Variants in RBFOX3 observed in about 807,000 individuals in gnomAD.
RBFOX3 encodes RNA binding fox-1 homolog 3, also known as RNA binding protein fox-1 homolog 3.
Under a neutral mutation model 48.7 loss-of-function variants are expected in RBFOX3, and 17 were observed. The ratio of observed to expected loss-of-function variants is 0.35; its 90% CI spans 0.24 to 0.52. RBFOX3 has a LOEUF of 0.52. Among genes scored for constraint, RBFOX3 ranks in the 20% least tolerant of loss-of-function variants. The pLI, the probability that RBFOX3 is intolerant of heterozygous loss-of-function variation, is 0.94. For missense variants in RBFOX3, 382 were observed against 497.5 expected, an observed-to-expected ratio of 0.77 and a Z score of 2.21; for synonymous variants, 212 against 209.5, an observed-to-expected ratio of 1.01 and a Z score of -0.10.
In RBFOX3 at chr17:79,131,405, C is replaced by T. The variant is rs117038912; in HGVS notation, c.-33-15657G>A. On this transcript the variant is annotated intron_variant, in intron 4 of 14. Coordinates refer to ENST00000693108, the MANE Select transcript of RBFOX3 (RefSeq NM_001350451.2). ...CTACCTTCACCGTCTTCCAGCTGAA[C>T]GTTGGTAGCACCTCCACCCACAGAC... Among the ~76,000 whole-genome samples the T allele has an allele frequency of 1.1e-3, 174 of 152,358 alleles. 4 individuals carry two copies. The East Asian group carries it at 0.029, about 25-fold the overall frequency.
rs1599392964 is a variant in RBFOX3 at position 79,096,914 on chromosome 17, G to A, written c.756-81C>T. On this transcript the variant is annotated intron_variant, in intron 11 of 14. Transcript: ENST00000693108. Reference sequence around the variant, plus strand: ...AAACCCCGGGGCCCATAGCCCACCCGACCCCAGGCAGCTGTGCCCCCCACC... The same window carrying A: ...AAACCCCGGGGCCCATAGCCCACCCAACCCCAGGCAGCTGTGCCCCCCACC... 6.6e-6 allele frequency: 4 copies of A among 609,844 alleles called. No homozygotes were observed. In the East Asian group the frequency reaches 8.4e-5, roughly 13 times the overall value. 37.8% of individuals were successfully genotyped at this position (609,844 alleles called of 1,614,324 possible). A position where few individuals can be genotyped will look rare whatever the true frequency, so the allele number is the denominator to read the frequency against.
intron 4 of RBFOX3, among the ~76,000 whole-genome samples, chr17:79,207,670 C>A (rs2057698900): frequency 6.6e-6 from 1 of 152,212 alleles, no homozygotes; most frequent in Non-Finnish European, 1.5e-5. Flanking sequence ...GGCCTAAGCT[C>A]CCTTCCCTTT....
chr17:79,115,683 G>C lies in RBFOX3; in HGVS notation c.33C>G (p.Pro11=), dbSNP rs530721444. ...CAGGGATGCCGTTCTGTGGCGGAGG[G>C]GGGTACTGGGCGGGGGGGTAGGGCT... MAQPYPPAQY[P]PPPQNGIPAE... The change falls in exon 5 of 15, where the codon CCC becomes CCG. Residue 11 remains proline, a synonymous_variant. Coordinates refer to ENST00000693108, the MANE Select transcript of RBFOX3 (RefSeq NM_001350451.2). The C allele has an allele frequency of 2.0e-5, 20 of 984,818 alleles. No individual in the cohort carries two copies. The highest frequency in any genetic ancestry group is 2.8e-5 in the Non-Finnish European group (19 of 681,766). The allele number at this position is 984,818 out of a possible 1,614,324, so 61.0% of individuals were successfully genotyped here.
rs191794190 is a variant in RBFOX3, at chr17:79,362,673, G to A, written c.-174-54849C>T. Among the ~76,000 whole-genome samples, 6 of 148,522 alleles carry A rather than the reference G, an allele frequency of 4.0e-5. No homozygotes were observed. Among genetic ancestry groups the A allele is most frequent in the African/African-American group, 9.6e-5 (4 of 41,472 alleles). ...CTGCCGGGCAATTGCTTCCTGTGACGGAGCCAGTTACTGGCACCTCATCTC... is the reference window on the plus strand; with the variant it reads ...CTGCCGGGCAATTGCTTCCTGTGACAGAGCCAGTTACTGGCACCTCATCTC... On this transcript the variant is annotated intron_variant, in intron 2 of 14. Coordinates refer to ENST00000693108, the MANE Select transcript of RBFOX3 (RefSeq NM_001350451.2). The surrounding 1 kb of genome is among the most constrained non-coding windows in gnomAD (Gnocchi z 4.2).
intron 2 of RBFOX3, among the ~76,000 whole-genome samples, chr17:79,320,193 C>G (rs995462547): frequency 2.0e-5 from 3 of 152,192 alleles, no homozygotes; most frequent in African/African-American, 7.2e-5. Context: ...GACTTGCTTC[C>G]TGACCACTGC....
chr17:79,661,439 G>C, the RBFOX3 span, among the ~76,000 whole-genome samples: 5 of 152,236 alleles, frequency 3.3e-5, no homozygotes, highest in Non-Finnish European at 7.3e-5. Context: ...AGTGTTCATA[G>C]AGTGTAGTTC....
intron 5 of RBFOX3, among the ~76,000 whole-genome samples, chr17:79,108,078 C>G (rs1435000772): frequency 6.6e-6 from 1 of 152,192 alleles, no homozygotes; most frequent in Non-Finnish European, 1.5e-5. Flanking sequence ...CCAAATACAC[C>G]CTGTGCATTT....
chr17:79,126,458 G>A (rs1031320841), intron 4 of RBFOX3, among the ~76,000 whole-genome samples: 2 of 151,588 alleles, frequency 1.3e-5, no homozygotes, highest in African/African-American at 4.9e-5. Context: ...GGTGACCCGG[G>A]GGCTGACCTC....
intron 3 of RBFOX3, among the ~76,000 whole-genome samples, chr17:79,255,018 C>T (rs987962701): frequency 6.6e-6 from 1 of 152,116 alleles, no homozygotes; most frequent in Non-Finnish European, 1.5e-5. Context: ...GGCAGCTTGT[C>T]CTTGGGACCT....
intron 2 of RBFOX3, among the ~76,000 whole-genome samples, chr17:79,454,780 T>C (rs2074187659): frequency 1.3e-5 from 2 of 152,146 alleles, no homozygotes; most frequent in Admixed American, 1.3e-4. Flanking sequence ...CTATCCACAC[T>C]GACTGGAGCG....
At chr17:79,296,441 C>A (rs185873660) in intron 3 of RBFOX3, among the ~76,000 whole-genome samples, 1 of 152,172 alleles carries the variant, frequency 6.6e-6, no homozygotes, top group Non-Finnish European at 1.5e-5. Flanking sequence ...GACTTTGTTA[C>A]ACCTGCATAT....
chr17:79,274,401 G>GCCCA (rs2068326954), intron 3 of RBFOX3, among the ~76,000 whole-genome samples: 1 of 152,220 alleles, frequency 6.6e-6, no homozygotes, highest in East Asian at 1.9e-4. Context: ...TCGGCAAAGG[G>GCCCA]CCCAGCACAT....
intron 2 of RBFOX3, among the ~76,000 whole-genome samples, chr17:79,407,039 C>T (rs372273230): frequency 6.6e-6 from 1 of 152,220 alleles, no homozygotes; most frequent in Admixed American, 6.5e-5. Flanking sequence ...GATGAAGTTT[C>T]GCTCTTGTCG....
chr17:79,092,059 C>T lies in RBFOX3; in HGVS notation c.1078-1174G>A, dbSNP rs980460112. On this transcript the variant is annotated intron_variant, in intron 14 of 14. Transcript: ENST00000693108. ...AAGGCCTGCGGGAGCACCCTCAGGC[C>T]GGGGAGACCCACACTGGGTGCCTGG... 5.1e-5 allele frequency: 50 copies of T among 985,378 alleles called. No individual in the cohort carries two copies. The Admixed American group carries it at 7.4e-4, about 15-fold the overall frequency. 61.0% of individuals were successfully genotyped at this position (985,378 alleles called of 1,614,324 possible).
intron 2 of RBFOX3, among the ~76,000 whole-genome samples, chr17:79,315,629 A>C (rs2077436116): frequency 6.6e-6 from 1 of 152,216 alleles, no homozygotes; most frequent in Non-Finnish European, 1.5e-5. Flanking sequence ...AAGCTCATAA[A>C]AGCCACGTGA....
At chr17:79,525,204 G>A (rs1395109583) in intron 1 of RBFOX3, among the ~76,000 whole-genome samples, 1 of 152,110 alleles carries the variant, frequency 6.6e-6, no homozygotes, top group Non-Finnish European at 1.5e-5. Context: ...GCGTCTCTGG[G>A]CCCCTCCCAC....
intron 4 of RBFOX3, among the ~76,000 whole-genome samples, chr17:79,137,634 C>T (rs576902104): frequency 2.6e-4 from 39 of 151,748 alleles, no homozygotes; most frequent in Non-Finnish European, 5.0e-4. Context: ...GCTGCTGGCG[C>T]CTGGCCTGGC....
At chr17:79,141,318 C>A (rs193114415) in intron 4 of RBFOX3, among the ~76,000 whole-genome samples, 20 of 152,268 alleles carry the variant, frequency 1.3e-4, no homozygotes, top group Admixed American at 1.2e-3. Context: ...CTGTTGGGGG[C>A]CAGCCAGGAG....
chr17:79,563,244 A>G (rs1423078669), intron 1 of RBFOX3, among the ~76,000 whole-genome samples: 3 of 152,064 alleles, frequency 2.0e-5, no homozygotes, highest in African/African-American at 7.2e-5. Context: ...CAAAAAAACA[A>G]GAATCTCTAA....
Sources: gnomAD v4.1 joint callset for allele counts (sites outside exome capture counted in the v4.1 genomes callset) on GRCh38, gnomAD v4.1.1 for gene constraint, Gnocchi (gnomAD v3.1) non-coding constraint, MANE v1.5 for transcripts, NCBI Gene and HGNC (gene_info 2026-07-23, HGNC 2026-07-21) for gene names.